Variants in CFAP20DC observed in about 807,000 individuals in gnomAD.
CFAP20DC encodes CFAP20 domain containing, also known as protein CFAP20DC.
CFAP20DC carries 84 observed loss-of-function variants against 101.7 expected under a neutral mutation model. That is an observed-to-expected ratio of 0.83 (90% confidence interval 0.69 to 0.99). The LOEUF is 0.99. CFAP20DC is among the 50% of genes least tolerant of loss of function. The pLI, the probability that CFAP20DC is intolerant of heterozygous loss-of-function variation, is 0.00. For missense variants in CFAP20DC, 1,007 were observed against 970.3 expected (o/e 1.04, Z -0.50); for synonymous variants, 359 against 351.2 (o/e 1.02, Z -0.25).
At position 58,894,508 on chromosome 3, in the gene CFAP20DC, G is replaced by A. The variant is rs976268736; in HGVS notation, c.551-9799C>T. On this transcript the variant is annotated intron_variant, in intron 6 of 16. Transcript: ENST00000482387. This position sits in a 1 kb window ranked among gnomAD's most constrained non-coding sequence, Gnocchi z 4.1. ...ACTCCATGTCTCACATTCAGGACAC[G>A]CTGATGCAGAAGGTGGGTTCCTACG... 1.3e-5 allele frequency among the ~76,000 whole-genome samples: 2 copies of A among 152,206 alleles called. No individual in the cohort carries two copies. Among genetic ancestry groups the A allele is most frequent in the Non-Finnish European group, 2.9e-5 (2 of 68,036 alleles).
intron 14 of CFAP20DC, among the ~76,000 whole-genome samples, chr3:58,809,685 C>G (rs1316974108): frequency 1.3e-5 from 2 of 152,074 alleles, no homozygotes; most frequent in East Asian, 3.9e-4. Flanking sequence ...TAGCAGAAGG[C>G]AAGACATAAC....
chr3:59,007,788 C>T lies in CFAP20DC; in HGVS notation c.278+31769G>A, dbSNP rs2093472482. Reference sequence around the variant, plus strand: ...GTAACAATCACTGAAGTACAGCTCTCAGGAAGCCTCATCCCTAGGGGAAGT... The same window carrying T: ...GTAACAATCACTGAAGTACAGCTCTTAGGAAGCCTCATCCCTAGGGGAAGT... On this transcript the variant is annotated intron_variant, in intron 4 of 16. Coordinates refer to ENST00000482387, the MANE Select transcript of CFAP20DC (RefSeq NM_001394063.1). The surrounding 1 kb of genome is among the most constrained non-coding windows in gnomAD (Gnocchi z 4.4). Among the ~76,000 whole-genome samples, 1 of 152,180 alleles carries T rather than the reference C, an allele frequency of 6.6e-6. No homozygotes were observed. The highest frequency in any genetic ancestry group is 2.4e-5 in the African/African-American group (1 of 41,438).
intron 3 of CFAP20DC, among the ~76,000 whole-genome samples, chr3:59,042,218 G>C (rs1475116194): frequency 1.3e-5 from 2 of 152,030 alleles, no homozygotes; most frequent in Non-Finnish European, 2.9e-5. Context: ...GATGGAAAAG[G>C]ATGGAGTAGA....
In CFAP20DC at chr3:58,890,357, G is replaced by A. The variant is rs1455654804; in HGVS notation, c.551-5648C>T. Among the ~76,000 whole-genome samples the A allele has an allele frequency of 4.9e-5, 7 of 142,334 alleles. No individual in the cohort carries two copies. The South Asian group carries it at 8.9e-4, about 18-fold the overall frequency. 93.4% of individuals were successfully genotyped at this position (142,334 alleles called of 152,430 possible). A position where few individuals can be genotyped will look rare whatever the true frequency, so the allele number is the denominator to read the frequency against. On this transcript the variant is annotated intron_variant, in intron 6 of 16. Coordinates refer to ENST00000482387, the MANE Select transcript of CFAP20DC (RefSeq NM_001394063.1). ...GACGGGGCGGCTGGCCGGGCAGAGG[G>A]GCTCCTCACTTCCCAGTAGGGGCGG...
In CFAP20DC at chr3:58,866,695, T is replaced by C. The variant is rs1175689530; in HGVS notation, c.1136-7A>G. The C allele has an allele frequency of 5.2e-6, 8 of 1,525,302 alleles. No individual in the cohort carries two copies. Among genetic ancestry groups the C allele is most frequent in the South Asian group, 3.5e-5 (3 of 86,236 alleles). 94.5% of individuals were successfully genotyped at this position (1,525,302 alleles called of 1,614,324 possible). On this transcript the variant is annotated splice_region_variant and splice_polypyrimidine_tract_variant and intron_variant, in intron 10 of 16. Transcript: ENST00000482387. ...TTATTTCCTGAAGAGCTACCTTTAT[T>C]GAGATAAATATTTTCCCTCTATTAC...
chr3:58,856,093 G>A (rs1005196497), intron 12 of CFAP20DC, among the ~76,000 whole-genome samples: 6 of 149,180 alleles, frequency 4.0e-5, no homozygotes, highest in African/African-American at 1.3e-4. Context: ...AATAGCTAAA[G>A]GAGTAAATTA....
rs1180251818 is a variant in CFAP20DC, at chr3:58,884,637, T to C, written c.623A>G (p.Asp208Gly). ...IIPRSCQLMT[D>G]VPHVTQLLNM... is the part of the protein sequence containing the mutation. ...TAGCAGCTGTGTGACATGTGGAACA[T>C]CTGTCATTAGTTGACAGCTTCGTGG... The change falls in exon 7 of 17, where the codon GAT becomes GGT. Residue 208 changes from aspartate to glycine, a missense_variant. Coordinates refer to ENST00000482387, the MANE Select transcript of CFAP20DC (RefSeq NM_001394063.1). The C allele has an allele frequency of 3.1e-6, 5 of 1,613,706 alleles. No homozygotes were observed. The highest frequency in any genetic ancestry group is 3.4e-6 in the Non-Finnish European group (4 of 1,179,606).
In CFAP20DC at chr3:58,869,409, A is replaced by T. The variant is rs760660164; in HGVS notation, c.934T>A (p.Ser312Thr). ...TCAGACTCAGGTATCAGCAAGGCTG[A>T]CATTTCTGTACCATTAACACACTTC... ...VEKCVNGTEM[S>T]ALLIPESEEQ... Residue 312 changes from serine (S) to threonine (T), a missense_variant, in exon 9 of 17, where the codon TCA (serine) becomes ACA (threonine). By Grantham distance (58) the Ser-to-Thr change is moderately conservative (BLOSUM62 1). Coordinates refer to ENST00000482387, the MANE Select transcript of CFAP20DC (RefSeq NM_001394063.1). The surrounding 1 kb of genome is among the most constrained non-coding windows in gnomAD (Gnocchi z 4.3). The T allele has an allele frequency of 6.2e-7, 1 of 1,613,860 alleles. No homozygotes were observed. Among genetic ancestry groups the T allele is most frequent in the Non-Finnish European group, 8.5e-7 (1 of 1,179,790 alleles).
chr3:58,719,602 C>T (rs1352820722), intron 3 of CFAP20DC, among the ~76,000 whole-genome samples: 1 of 152,200 alleles, frequency 6.6e-6, no homozygotes, highest in African/African-American at 2.4e-5. Flanking sequence ...CAGAGTCTCA[C>T]CTGGTTGGGG....
chr3:58,808,615 A>G (rs2074326062), intron 14 of CFAP20DC, among the ~76,000 whole-genome samples: 1 of 152,230 alleles, frequency 6.6e-6, no homozygotes, highest in Non-Finnish European at 1.5e-5. Flanking sequence ...AAATCATGCC[A>G]AATTGTAAAG....
chr3:58,764,969 G>C (rs1410564069), intron 15 of CFAP20DC, among the ~76,000 whole-genome samples: 1 of 152,154 alleles, frequency 6.6e-6, no homozygotes, highest in Non-Finnish European at 1.5e-5. Context: ...TAAAAATATT[G>C]AACAGATGAA....
At chr3:58,817,264 A>C (rs1035286271) in intron 14 of CFAP20DC, among the ~76,000 whole-genome samples, 19 of 152,216 alleles carry the variant, frequency 1.2e-4, no homozygotes, top group African/African-American at 3.9e-4. Context: ...CAGTTCCTCA[A>C]GAGCAACGGA....
At chr3:58,843,160 G>A (rs2077301202) in intron 13 of CFAP20DC, among the ~76,000 whole-genome samples, 1 of 152,202 alleles carries the variant, frequency 6.6e-6, no homozygotes, top group Non-Finnish European at 1.5e-5. Flanking sequence ...AAAGCTGGAT[G>A]GAGAATGACT....
At chr3:59,033,483 A>G (rs1294092715) in intron 4 of CFAP20DC, among the ~76,000 whole-genome samples, 1 of 152,170 alleles carries the variant, frequency 6.6e-6, no homozygotes, top group Non-Finnish European at 1.5e-5. Context: ...TAACTAGAAT[A>G]ACCAGTTTAG....
chr3:58,807,536 G>C (rs976129902), intron 14 of CFAP20DC, among the ~76,000 whole-genome samples: 1 of 152,196 alleles, frequency 6.6e-6, no homozygotes, highest in Non-Finnish European at 1.5e-5. Flanking sequence ...CTAACAAACA[G>C]AAAGGACATC....
Position 58,967,482 on chromosome 3 carries a change from G to T in CFAP20DC, c.279-29720C>A, listed in dbSNP as rs1165042214. ...TAGTTTCTTAGATAGGATGGCCAAAGCACAAGCAATAAAAGAAAAAATAAA... is the reference window on the plus strand; with the variant it reads ...TAGTTTCTTAGATAGGATGGCCAAATCACAAGCAATAAAAGAAAAAATAAA... On this transcript the variant is annotated intron_variant, in intron 4 of 16. Transcript: ENST00000482387. 2.0e-5 allele frequency among the ~76,000 whole-genome samples: 3 copies of T among 152,180 alleles called. No homozygotes were observed. The East Asian group carries it at 5.8e-4, about 29-fold the overall frequency.
rs139550935 is a variant in CFAP20DC at position 59,006,268 on chromosome 3, C to A, written c.278+33289G>T. Among the ~76,000 whole-genome samples the A allele has an allele frequency of 4.6e-5, 7 of 152,188 alleles. No homozygotes were observed. In the East Asian group the frequency reaches 1.2e-3, roughly 25 times the overall value. ...ACTATAAAATCATGACGTTAAAAAG[C>A]CATCAGAAGGAGATGGGAGGAAGAT... On this transcript the variant is annotated intron_variant, in intron 4 of 16. Transcript: ENST00000482387. This position sits in a 1 kb window ranked among gnomAD's most constrained non-coding sequence, Gnocchi z 4.3.
intron 5 of CFAP20DC, among the ~76,000 whole-genome samples, chr3:58,929,708 A>G (rs2086374227): frequency 6.6e-6 from 1 of 152,154 alleles, no homozygotes; most frequent in Non-Finnish European, 1.5e-5. Context: ...CCCATTCTTT[A>G]CTTATGTCTA....
At chr3:58,950,832 A>G (rs2090017542) in intron 4 of CFAP20DC, among the ~76,000 whole-genome samples, 1 of 152,350 alleles carries the variant, frequency 6.6e-6, no homozygotes, top group African/African-American at 2.4e-5. Flanking sequence ...AGGCATTACC[A>G]TTCAGGACAT....
Sources: allele counts gnomAD v4.1 joint callset (sites outside exome capture counted in the v4.1 genomes callset), GRCh38; gene constraint gnomAD v4.1.1; non-coding constraint Gnocchi (gnomAD v3.1); transcripts MANE v1.5; gene names NCBI Gene and HGNC (gene_info 2026-07-23, HGNC 2026-07-21).